COL21A1: variants seen among roughly 807,000 people sequenced by gnomAD.
COL21A1 encodes the protein collagen alpha-1(XXI) chain.
In COL21A1, 149 loss-of-function variants were observed where a neutral mutation model predicts 137.9. The observed-to-expected ratio is 1.08, with a 90% confidence interval of 0.95 to 1.24. The LOEUF is 1.24. Ranked by LOEUF, COL21A1 falls within the 50% of genes most tolerant of loss-of-function variation. The pLI is 0.00. For synonymous variants in COL21A1, 456 were observed against 391.5 expected (o/e 1.16, Z -1.95); for missense variants, 1,167 against 1,158.4 (o/e 1.01, Z -0.11).
At chr6:56,154,562 C>T (rs1376349862) in intron 10 of COL21A1, among the ~76,000 whole-genome samples, 2 of 152,126 alleles carry the variant, frequency 1.3e-5, no homozygotes, top group South Asian at 2.1e-4. Context: ...AATCTGACTA[C>T]TTCTCCATTC....
intron 3 of COL21A1, among the ~76,000 whole-genome samples, chr6:56,176,007 G>A (rs1408698396): frequency 1.3e-5 from 2 of 152,028 alleles, no homozygotes; most frequent in Non-Finnish European, 2.9e-5. Flanking sequence ...CTTTGACAAG[G>A]GTGGTAAGAC....
chr6:56,243,247 A>G (rs1782450822), intron 1 of COL21A1, among the ~76,000 whole-genome samples: 1 of 152,190 alleles, frequency 6.6e-6, no homozygotes, highest in South Asian at 2.1e-4. Flanking sequence ...CACAGAACAC[A>G]GTCTAAAAAA....
chr6:56,259,078 A>C (rs973743681), intron 1 of COL21A1, among the ~76,000 whole-genome samples: 1 of 152,194 alleles, frequency 6.6e-6, no homozygotes, highest in African/African-American at 2.4e-5. Flanking sequence ...ATAGACATTC[A>C]GCAGAAGCAG....
intron 12 of COL21A1, among the ~76,000 whole-genome samples, chr6:56,132,142 A>T (rs1925170): frequency 0.42 from 63,283 of 150,662 alleles, 15,435 homozygotes; most frequent in East Asian, 0.73. Flanking sequence ...CTCCATTTAT[A>T]ATAAAAACAA....
intron 17 of COL21A1, among the ~76,000 whole-genome samples, chr6:56,100,402 C>A (rs549743590): frequency 1.3e-5 from 2 of 152,094 alleles, no homozygotes; most frequent in Non-Finnish European, 2.9e-5. Flanking sequence ...AAATTTCCTA[C>A]GTAAGCTTCA....
At chr6:56,107,471 G>T (rs1582374736) in intron 16 of COL21A1, among the ~76,000 whole-genome samples, 1 of 151,886 alleles carries the variant, frequency 6.6e-6, no homozygotes, top group African/African-American at 2.4e-5. Context: ...GCTTTTTGGA[G>T]TAACTGGGAT....
At position 56,351,886 on chromosome 6, in the gene COL21A1, C is replaced by T. The variant is rs141566482; in HGVS notation, c.-39+42085G>A. 2.6e-5 allele frequency among the ~76,000 whole-genome samples: 4 copies of T among 152,294 alleles called. No individual in the cohort carries two copies. The East Asian group carries it at 7.7e-4, about 29-fold the overall frequency. ...CAACATGATATGTTAAATGTCAGGG[C>T]TGCGACTAGTGTGAGGTAAATGAAG... On this transcript the variant is annotated intron_variant, in intron 1 of 28. Coordinates refer to the COL21A1 transcript ENST00000370819.
At chr6:56,248,044 A>G (rs1307352404), upstream of COL21A1, among the ~76,000 whole-genome samples, 2 of 152,248 alleles carry the variant, frequency 1.3e-5, no homozygotes, top group Non-Finnish European at 2.9e-5. Context: ...TTCACTTTCA[A>G]ATAGTCAAGT....
At chr6:56,353,486 G>C (rs917274345) in intron 1 of COL21A1, among the ~76,000 whole-genome samples, 4 of 152,104 alleles carry the variant, frequency 2.6e-5, no homozygotes, top group African/African-American at 9.7e-5. Context: ...CCCAGTCCCA[G>C]ACATTCCTAC....
intron 1 of COL21A1, among the ~76,000 whole-genome samples, chr6:56,345,662 C>G (rs1765580894): frequency 6.6e-6 from 1 of 152,178 alleles, no homozygotes; most frequent in African/African-American, 2.4e-5. Flanking sequence ...CTTTCTTCCC[C>G]CAAAATGCCA....
intron 1 of COL21A1, among the ~76,000 whole-genome samples, chr6:56,268,543 A>G (rs1359213490): frequency 2.0e-5 from 3 of 152,300 alleles, no homozygotes; most frequent in Non-Finnish European, 4.4e-5. Flanking sequence ...GTCAATATAT[A>G]CCCCTGTGAA....
chr6:56,331,967 C>T (rs1252118380), intron 1 of COL21A1: 1 of 151,950 alleles, frequency 6.6e-6, no homozygotes, highest in Non-Finnish European at 1.5e-5. Context: ...CAGGCATTAC[C>T]ACAACACTAA....
chr6:56,267,754 TAAAA>T lies in COL21A1; in HGVS notation c.-38-85102_-38-85099del, dbSNP rs61326932. On this transcript the variant is annotated intron_variant, in intron 1 of 28. Coordinates refer to the COL21A1 transcript ENST00000370819. ...CCTGGGCAACAGAGCAAGACTCTGTTAAAAAAAAAAAAAAAAAAGAAGAAGAAGA... is the reference window on the plus strand; with the variant it reads ...CCTGGGCAACAGAGCAAGACTCTGTTAAAAAAAAAAAAAAGAAGAAGAAGA... 8.0e-3 allele frequency among the ~76,000 whole-genome samples: 1,056 copies of T among 131,426 alleles called. 7 individuals carry two copies. The highest frequency in any genetic ancestry group is 0.011 in the Middle Eastern group (3 of 278). 86.2% of individuals were successfully genotyped at this position (131,426 alleles called of 152,430 possible).
At chr6:56,260,657 A>AGAGAG (rs1562028894) in intron 1 of COL21A1, among the ~76,000 whole-genome samples, 35 of 46,312 alleles carry the variant, frequency 7.6e-4, no homozygotes, top group East Asian at 1.4e-3. Context: ...GGAAGGAAGG[A>AGAGAG]ATGAAGGAAG....
In COL21A1 at chr6:56,057,829, G is replaced by A. The variant is rs868537548; in HGVS notation, c.2702C>T (p.Pro901Leu). Reference sequence around the variant, plus strand: ...TGGAGGACCTTCTTTGCTTATTCCAGGAGGGCCCTCTGGACCTAAGATGGG... The same window carrying A: ...TGGAGGACCTTCTTTGCTTATTCCAAGAGGGCCCTCTGGACCTAAGATGGG... ...PPGPPGPEGPPGISKEGPPGD... is the reference protein window; with the variant it reads ...PPGPPGPEGPLGISKEGPPGD... Residue 901 changes from proline to leucine, a missense_variant, in exon 30 of 30, where the codon CCT becomes CTT. Pro to Leu is a moderately conservative substitution (Grantham distance 98). Coordinates refer to ENST00000244728, the MANE Select transcript of COL21A1 (RefSeq NM_030820.4). The A allele has an allele frequency of 6.4e-7, 1 of 1,565,306 alleles. No homozygotes were observed. The highest frequency in any genetic ancestry group is 8.6e-7 in the Non-Finnish European group (1 of 1,160,176).
At chr6:56,075,897 TA>T (rs1483581897) in intron 18 of COL21A1, among the ~76,000 whole-genome samples, 2 of 150,904 alleles carry the variant, frequency 1.3e-5, no homozygotes, top group Non-Finnish European at 1.5e-5. Context: ...AAAAATAGAC[TA>T]AAAAAATAAC....
At chr6:56,183,907 A>G (rs1778085578) in intron 1 of COL21A1, among the ~76,000 whole-genome samples, 1 of 152,194 alleles carries the variant, frequency 6.6e-6, no homozygotes. Flanking sequence ...ACATCAGAAA[A>G]TGGTTTATGC....
chr6:56,321,211 T>C (rs952437834), intron 1 of COL21A1, among the ~76,000 whole-genome samples: 1 of 152,140 alleles, frequency 6.6e-6, no homozygotes, highest in Non-Finnish European at 1.5e-5. Flanking sequence ...TTGCCATTTG[T>C]TTTAGACCAT....
intron 16 of COL21A1, among the ~76,000 whole-genome samples, chr6:56,106,793 G>T (rs1770943025): frequency 1.3e-5 from 2 of 148,524 alleles, no homozygotes; most frequent in Non-Finnish European, 3.0e-5. Context: ...CATTATACAA[G>T]TTTTTTTTTT....
Sources: allele counts gnomAD v4.1 joint callset (sites outside exome capture counted in the v4.1 genomes callset), GRCh38; gene constraint gnomAD v4.1.1; transcripts MANE v1.5; gene names NCBI Gene and HGNC (gene_info 2026-07-23, HGNC 2026-07-21).